GAB2: variants seen among roughly 807,000 people sequenced by gnomAD.
GAB2 encodes the protein GRB2 associated binding protein 2, also known as GRB2-associated-binding protein 2.
A neutral mutation model predicts 65.5 loss-of-function variants in GAB2; 26 were observed. The ratio of observed to expected loss-of-function variants is 0.40; its 90% CI spans 0.29 to 0.55. GAB2 has a LOEUF of 0.55. Ranked by LOEUF, GAB2 falls within the 20% of genes least tolerant of loss-of-function variation. GAB2 has a pLI of 0.53. For synonymous variants in GAB2, 321 were observed against 329.6 expected, an observed-to-expected ratio of 0.97 and a Z score of 0.28; for missense variants, 884 against 875.8, an observed-to-expected ratio of 1.01 and a Z score of -0.12.
At chr11:78,276,210 A>T (rs1036576346) in intron 2 of GAB2, among the ~76,000 whole-genome samples, 10 of 151,874 alleles carry the variant, frequency 6.6e-5, no homozygotes, top group Non-Finnish European at 1.5e-4. Flanking sequence ...TGAGGTGGGA[A>T]CGCTGCTTGA....
chr11:78,265,296 A>G (rs1405392483), intron 2 of GAB2, among the ~76,000 whole-genome samples: 1 of 151,902 alleles, frequency 6.6e-6, no homozygotes, highest in Non-Finnish European at 1.5e-5. Context: ...TTTAAAACAC[A>G]AAAGTCAGGA....
chr11:78,383,104 C>G lies in GAB2; in HGVS notation c.75+34542G>C, dbSNP rs115509291. Among the ~76,000 whole-genome samples the G allele has an allele frequency of 8.3e-3, 1,266 of 152,268 alleles. 19 individuals carry two copies. The highest frequency in any genetic ancestry group is 0.029 in the African/African-American group (1,199 of 41,556). On this transcript the variant is annotated intron_variant, in intron 1 of 9. Transcript: ENST00000361507. The stretch of plus-strand genomic sequence containing the variant: ...CCTGACCAACATGGCAAAACCTTGT[C>G]TCTACCAGTAACACAAAATTAGCTG...
chr11:78,216,158 C>T lies in GAB2; in HGVS notation c.*3114G>A, dbSNP rs1310858117. 6.6e-6 allele frequency: 1 copy of T among 152,610 alleles called. No homozygotes were observed. The highest frequency in any genetic ancestry group is 1.5e-5 in the Non-Finnish European group (1 of 68,064). 9.5% of individuals were successfully genotyped at this position (152,610 alleles called of 1,614,324 possible). A position where few individuals can be genotyped will look rare whatever the true frequency, so the allele number is the denominator to read the frequency against. ...GCAGCTAATCCAACCTCCCATTCCA[C>T]AGACAGGCAGATCAAGGACTTAAGG... is the stretch of plus-strand genomic sequence containing the variant. On this transcript the variant is annotated 3_prime_UTR_variant, in exon 10 of 10. Transcript: ENST00000361507.
At chr11:78,262,540 C>T (rs1017043264) in intron 2 of GAB2, among the ~76,000 whole-genome samples, 2 of 152,066 alleles carry the variant, frequency 1.3e-5, no homozygotes, top group African/African-American at 2.4e-5. Flanking sequence ...GTCAGCTGCC[C>T]TTCATGTGCT....
chr11:78,299,687 G>A (rs1454148470), intron 1 of GAB2, among the ~76,000 whole-genome samples: 1 of 152,316 alleles, frequency 6.6e-6, no homozygotes, highest in East Asian at 1.9e-4. Context: ...AGGATGACAT[G>A]AGAAACAGAA....
chr11:78,272,583 G>A (rs1228383048), intron 2 of GAB2, among the ~76,000 whole-genome samples: 1 of 152,160 alleles, frequency 6.6e-6, no homozygotes, highest in Non-Finnish European at 1.5e-5. Flanking sequence ...TGCTGTTAAA[G>A]GCATTCAGTT....
chr11:78,312,565 A>G (rs1045346024), intron 1 of GAB2, among the ~76,000 whole-genome samples: 3 of 152,180 alleles, frequency 2.0e-5, no homozygotes, highest in Non-Finnish European at 4.4e-5. Context: ...AGCTGGGATT[A>G]CAGGTGCCCA....
chr11:78,315,596 A>T (rs1340831651), intron 1 of GAB2, among the ~76,000 whole-genome samples: 1 of 152,222 alleles, frequency 6.6e-6, no homozygotes, highest in Non-Finnish European at 1.5e-5. Flanking sequence ...ATGTTTCATG[A>T]CAATGGATTT....
intron 1 of GAB2, among the ~76,000 whole-genome samples, chr11:78,340,728 A>C (rs1473952102): frequency 6.6e-6 from 1 of 152,172 alleles, no homozygotes; most frequent in Non-Finnish European, 1.5e-5. Context: ...GACAGATACC[A>C]CCATGATAAG....
At chr11:78,241,769 A>G (rs1865141972) in intron 3 of GAB2, among the ~76,000 whole-genome samples, 1 of 152,220 alleles carries the variant, frequency 6.6e-6, no homozygotes, top group Admixed American at 6.5e-5. Context: ...GGAAAGGGGG[A>G]ATACAAATGA....
intron 3 of GAB2, among the ~76,000 whole-genome samples, chr11:78,230,251 A>G (rs1864802149): frequency 6.6e-6 from 1 of 152,208 alleles, no homozygotes; most frequent in African/African-American, 2.4e-5. Context: ...AGAACCCACT[A>G]GCTTACGTTC....
chr11:78,283,758 C>T (rs1866395473), intron 1 of GAB2, among the ~76,000 whole-genome samples: 1 of 152,144 alleles, frequency 6.6e-6, no homozygotes, highest in Non-Finnish European at 1.5e-5. Context: ...CTTCACCTGG[C>T]TTCAGCATGC....
intron 1 of GAB2, among the ~76,000 whole-genome samples, chr11:78,404,388 A>G (rs951122889): frequency 1.3e-5 from 2 of 152,208 alleles, no homozygotes; most frequent in African/African-American, 4.8e-5. Flanking sequence ...GCAAAAAATA[A>G]AACAAAAAAT....
rs1419527810 is a variant in GAB2 at position 78,346,674 on chromosome 11, C to CACATATAT, written c.76-65774_76-65773insATATATGT. The stretch of plus-strand genomic sequence containing the variant: ...TGGGCTGTTCTGTTTACATCCCCTC[C>CACATATAT]ATATATATATATATATATATATATA... On this transcript the variant is annotated intron_variant, in intron 1 of 9. Transcript: ENST00000361507. Among the ~76,000 whole-genome samples, 76 of 54,898 alleles carry CACATATAT rather than the reference C, an allele frequency of 1.4e-3. 3 individuals carry two copies. The highest frequency in any genetic ancestry group is 4.7e-3 in the African/African-American group (66 of 14,094). The allele number at this position is 54,898 out of a possible 152,430, so 36.0% of individuals were successfully genotyped here.
chr11:78,273,260 C>G (rs2511186), intron 2 of GAB2, among the ~76,000 whole-genome samples: 30,501 of 152,200 alleles, frequency 0.2, 3,304 homozygotes, highest in East Asian at 0.4. Flanking sequence ...CACTGTGTGC[C>G]TGGAAAAGGT....
At chr11:78,306,063 C>G (rs957152633) in intron 1 of GAB2, among the ~76,000 whole-genome samples, 1 of 152,178 alleles carries the variant, frequency 6.6e-6, no homozygotes, top group African/African-American at 2.4e-5. Context: ...AACATCTATA[C>G]CCATTTACCA....
At chr11:78,396,203 CAA>C (rs528379591) in intron 1 of GAB2, among the ~76,000 whole-genome samples, 49 of 152,246 alleles carry the variant, frequency 3.2e-4, no homozygotes, top group African/African-American at 9.9e-4. Context: ...CTACACAAAG[CAA>C]AGTTTCACCG....
Position 78,298,131 on chromosome 11 carries a change from G to A in GAB2, c.76-17230C>T, listed in dbSNP as rs572424489. 2.0e-5 allele frequency among the ~76,000 whole-genome samples: 3 copies of A among 152,270 alleles called. No homozygotes were observed. The South Asian group carries it at 6.2e-4, about 32-fold the overall frequency. On this transcript the variant is annotated intron_variant, in intron 1 of 9. Coordinates refer to ENST00000361507, the MANE Select transcript of GAB2 (RefSeq NM_080491.3). ...TGAAGTAGGGCAAGAGCATGAGTAG[G>A]AAGCCCAGATAGACTACTGCTCAAG...
At chr11:78,363,446 AATATG>A (rs1856459448) in intron 1 of GAB2, among the ~76,000 whole-genome samples, 1 of 152,202 alleles carries the variant, frequency 6.6e-6, no homozygotes, top group Admixed American at 6.5e-5. Context: ...TCCTCTTAAA[AATATG>A]TATTCTCTCC....
Sources: gnomAD v4.1 joint callset for allele counts (sites outside exome capture counted in the v4.1 genomes callset) on GRCh38, gnomAD v4.1.1 for gene constraint, MANE v1.5 for transcripts, NCBI Gene and HGNC (gene_info 2026-07-23, HGNC 2026-07-21) for gene names.